The following ANK3 variants were observed in gnomAD, a reference collection of about 807,000 sequenced individuals.
ANK3 encodes the protein ankyrin-3.
In ANK3, 57 loss-of-function variants were observed where a neutral mutation model predicts 370.9. The observed-to-expected ratio is 0.15, with a 90% CI of 0.12 to 0.19. The LOEUF (loss-of-function observed/expected upper bound fraction) is 0.19. Among genes scored for constraint, ANK3 ranks in the 10% least tolerant of loss-of-function variants. The pLI is 1.00. For synonymous variants in ANK3, 1,929 were observed against 1,946.3 expected (o/e 0.99, Z 0.23); for missense variants, 4,439 against 5,302.1 (o/e 0.84, Z 5.06).
At chr10:60,050,483 T>C (rs1427013072) in intron 42 of ANK3, among the ~76,000 whole-genome samples, 1 of 152,238 alleles carries the variant, frequency 6.6e-6, no homozygotes, top group African/African-American at 2.4e-5. Context: ...GTTGGGTCTC[T>C]TGACACTTTG....
intron 1 of ANK3, among the ~76,000 whole-genome samples, chr10:60,729,396 A>T (rs2079988983): frequency 6.6e-6 from 1 of 152,220 alleles, no homozygotes; most frequent in Admixed American, 6.5e-5. Flanking sequence ...AATAGCTACC[A>T]ATAAATCACC....
intron 7 of ANK3, among the ~76,000 whole-genome samples, chr10:60,240,306 A>ATATTTTTT (rs11282162): frequency 0.015 from 1,824 of 119,710 alleles, 115 homozygotes; most frequent in Middle Eastern, 0.028. Context: ...ATATATATAT[A>ATATTTTTT]TTTTTTTTTC....
At chr10:60,081,651 T>C in intron 35 of ANK3, 2 of 333,146 alleles carry the variant, frequency 6.0e-6, no homozygotes, top group Non-Finnish European at 1.2e-5. Flanking sequence ...ATATTAAACG[T>C]GATCTTGATT....
exon 1 of ANK3, chr10:60,733,328 G>A: frequency 8.1e-7 from 1 of 1,231,434 alleles, no homozygotes; most frequent in Non-Finnish European, 1.0e-6. Context: ...ATGTTGTGGG[G>A]CTGCTGCTGC....
intron 2 of ANK3, among the ~76,000 whole-genome samples, chr10:60,481,956 A>G (rs1567079277): frequency 6.6e-6 from 1 of 152,222 alleles, no homozygotes; most frequent in Non-Finnish European, 1.5e-5. Flanking sequence ...TAAAACAGGC[A>G]TGTCCAGAAG....
At chr10:60,083,313 A>G (rs1176898109) in intron 33 of ANK3, among the ~76,000 whole-genome samples, 179 bp downstream of exon 33, 1 of 152,222 alleles carries the variant, frequency 6.6e-6, no homozygotes, top group Non-Finnish European at 1.5e-5. Flanking sequence ...CTTTTTACCA[A>G]TTGTAAAGCT....
intron 7 of ANK3, 57 bp downstream of exon 7, chr10:60,261,802 G>C: frequency 1.4e-6 from 2 of 1,475,682 alleles, no homozygotes; most frequent in Admixed American, 1.7e-5. Flanking sequence ...GTTGGGGAAA[G>C]AGAGTATAAA....
chr10:60,222,422 T>TAAA (rs34886163), intron 8 of ANK3, among the ~76,000 whole-genome samples: 7 of 144,786 alleles, frequency 4.8e-5, no homozygotes, highest in African/African-American at 1.5e-4. Context: ...TTAATTCAGT[T>TAAA]AAAAAAAAAA....
rs183840780 is a variant in ANK3, at chr10:60,551,513, T to C, written c.96+63673A>G. Among the ~76,000 whole-genome samples the C allele has an allele frequency of 1.3e-3, 191 of 152,308 alleles. 2 individuals are homozygous for C. The highest frequency in any genetic ancestry group is 4.4e-3 in the African/African-American group (182 of 41,578). Reference sequence around the variant, plus strand: ...TACAAACAAACAATACTATTAAGTTTCTTATTTTAGTGATGAAAATAAATT... The same window carrying C: ...TACAAACAAACAATACTATTAAGTTCCTTATTTTAGTGATGAAAATAAATT... On this transcript the variant is annotated intron_variant, in intron 2 of 43. Coordinates refer to the ANK3 transcript ENST00000373827.
chr10:60,102,444 G>C (rs1368470116), intron 28 of ANK3, among the ~76,000 whole-genome samples: 2 of 152,020 alleles, frequency 1.3e-5, no homozygotes, highest in African/African-American at 2.4e-5. Flanking sequence ...TTAAACCAAG[G>C]CTCAGAGATT....
chr10:60,483,994 T>A (rs2075289164), intron 2 of ANK3, among the ~76,000 whole-genome samples: 1 of 152,222 alleles, frequency 6.6e-6, no homozygotes, highest in African/African-American at 2.4e-5. Flanking sequence ...ATAAGGAGCC[T>A]GGACTTCCAC....
At chr10:60,471,193 T>C (rs1438297109) in intron 2 of ANK3, among the ~76,000 whole-genome samples, 1 of 151,698 alleles carries the variant, frequency 6.6e-6, no homozygotes, top group Admixed American at 6.6e-5. Context: ...TACAGAAAAA[T>C]ACAAAAAGCA....
chr10:60,063,329 C>T (rs975856646), intron 39 of ANK3, 75 bp from the exon 40 acceptor site: 18 of 1,448,936 alleles, frequency 1.2e-5, no homozygotes, highest in Non-Finnish European at 1.6e-5. Flanking sequence ...TACACAAAGG[C>T]ATGGCTTTTG....
chr10:60,435,842 G>T (rs1044758960), intron 2 of ANK3, among the ~76,000 whole-genome samples: 8 of 152,342 alleles, frequency 5.3e-5, no homozygotes, highest in African/African-American at 1.9e-4. Context: ...GCTCACGCCT[G>T]TAATCCCAGC....
intron 1 of ANK3, among the ~76,000 whole-genome samples, chr10:60,287,602 T>A (rs1461383725): frequency 1.3e-5 from 2 of 152,232 alleles, no homozygotes; most frequent in Non-Finnish European, 2.9e-5. Context: ...GCATTATCAT[T>A]TATTTCTTAA....
chr10:60,599,182 T>C (rs1298231273), intron 2 of ANK3, among the ~76,000 whole-genome samples: 52 of 152,088 alleles, frequency 3.4e-4, no homozygotes, highest in Admixed American at 3.4e-3. Flanking sequence ...CCTCTCCCCT[T>C]GGCCTCCCAA....
At chr10:60,278,179 T>C (rs1459723) in intron 4 of ANK3, among the ~76,000 whole-genome samples, 7,368 of 152,258 alleles carry the variant, frequency 0.048, 603 homozygotes, top group African/African-American at 0.17. Flanking sequence ...TGAGGACTTT[T>C]AAAGTTCCTT....
chr10:60,263,751 C>T (rs1455016592), intron 6 of ANK3, 84 bp downstream of exon 6: 10 of 1,508,488 alleles, frequency 6.6e-6, no homozygotes, highest in African/African-American at 4.1e-5. Flanking sequence ...CATAAGCTTG[C>T]GAAGAGGGAG....
chr10:60,272,833 A>G (rs892874268), intron 4 of ANK3, among the ~76,000 whole-genome samples: 5 of 151,890 alleles, frequency 3.3e-5, no homozygotes, highest in Admixed American at 2.6e-4. Context: ...TATCAACAAG[A>G]TATTTATGTC....
Sources: allele counts gnomAD v4.1 joint callset (sites outside exome capture counted in the v4.1 genomes callset), GRCh38; gene constraint gnomAD v4.1.1; transcripts MANE v1.5; gene names NCBI Gene and HGNC (gene_info 2026-07-23, HGNC 2026-07-21).